The following STRN4 variants were observed in gnomAD, a reference collection of about 807,000 sequenced individuals.
STRN4 encodes striatin-4.
STRN4 carries 27 observed loss-of-function variants against 77.9 expected under a neutral mutation model. The observed-to-expected ratio is 0.35, with a 90% CI of 0.26 to 0.48. STRN4 has a LOEUF of 0.48. Ranked by LOEUF, STRN4 falls within the 20% of genes least tolerant of loss-of-function variation. The pLI is 0.99. For synonymous variants in STRN4, 466 were observed against 443.1 expected (o/e 1.05, Z -0.65); for missense variants, 798 against 1,049.7 (o/e 0.76, Z 3.31).
intron 8 of STRN4, 103 bp from the exon 9 acceptor site, chr19:46,727,649 G>A (rs746030628): frequency 3.1e-6 from 3 of 971,732 alleles, no homozygotes; most frequent in South Asian, 1.4e-5. Flanking sequence ...GAGATAAAGA[G>A]CAAGAGAGAG....
chr19:46,724,348 T>G (rs1288855248), intron 12 of STRN4, among the ~76,000 whole-genome samples: 3 of 148,008 alleles, frequency 2.0e-5, no homozygotes, highest in Non-Finnish European at 4.4e-5. Flanking sequence ...TCTTAGATGC[T>G]CCAAAGAGAA....
At chr19:46,744,360 T>C (rs774649487) in intron 1 of STRN4, among the ~76,000 whole-genome samples, 1 of 152,172 alleles carries the variant, frequency 6.6e-6, no homozygotes, top group Non-Finnish European at 1.5e-5. Flanking sequence ...GGAGAGTTAC[T>C]GGAGGGTCTT....
At position 46,723,234 on chromosome 19, in the gene STRN4, C is replaced by A; in HGVS notation, c.1645G>T (p.Gly549Cys). Residue 549 changes from glycine to cysteine, a missense_variant, in exon 13 of 18, where the codon GGC becomes TGC. Transcript: ENST00000263280. This position sits in a 1 kb window ranked among gnomAD's most constrained non-coding sequence, Gnocchi z 5.5. ...VLEGHGDAVW[G>C]LAFSPTSQRL... ...TGGGAGGTGGGACTGAAGGCCAGGC[C>A]CCACACGGCGTCCCCGTGGCCCTCC... 6.4e-7 allele frequency: 1 copy of A among 1,551,890 alleles called. No individual in the cohort carries two copies. The highest frequency in any genetic ancestry group is 8.7e-7 in the Non-Finnish European group (1 of 1,148,494).
At chr19:46,736,637 G>A (rs916926074) in intron 4 of STRN4, among the ~76,000 whole-genome samples, 186 bp downstream of exon 4, 1 of 151,462 alleles carries the variant, frequency 6.6e-6, no homozygotes, top group Non-Finnish European at 1.5e-5. Flanking sequence ...TCCTGCAGCG[G>A]GTTTCCCTCC....
chr19:46,727,649 G>C (rs746030628), intron 8 of STRN4, 103 bp from the exon 9 acceptor site: 4 of 971,850 alleles, frequency 4.1e-6, no homozygotes, highest in Non-Finnish European at 6.4e-6. Context: ...GAGATAAAGA[G>C]CAAGAGAGAG....
At position 46,723,970 on chromosome 19, in the gene STRN4, G is replaced by A. The variant is rs1483250676; in HGVS notation, c.1595-686C>T. On this transcript the variant is annotated intron_variant, in intron 12 of 17. Transcript: ENST00000263280. This position sits in a 1 kb window ranked among gnomAD's most constrained non-coding sequence, Gnocchi z 5.5. ...GGTGCATGATCAAGGAGGCAGAGCC[G>A]GGCGCAGTGGCTCATGCCTGCAATC... Among the ~76,000 whole-genome samples the A allele has an allele frequency of 2.0e-5, 3 of 152,178 alleles. No individual in the cohort carries two copies. Among genetic ancestry groups the A allele is most frequent in the South Asian group, 2.1e-4 (1 of 4,824 alleles).
intron 15 of STRN4, 76 bp from the exon 16 acceptor site, chr19:46,722,148 G>A: frequency 6.2e-7 from 1 of 1,601,878 alleles, no homozygotes; most frequent in East Asian, 2.2e-5. Context: ...GACTGGACGA[G>A]AGACTCCCAG....
At chr19:46,725,054 G>GGACAAGCT in intron 11 of STRN4, 126 bp from the exon 12 acceptor site, 1 of 1,427,014 alleles carries the variant, frequency 7.0e-7, no homozygotes, top group African/African-American at 1.4e-5. Flanking sequence ...CTGGGGCTCT[G>GGACAAGCT]GCCATGCTAC....
At position 46,723,449 on chromosome 19, in the gene STRN4, C is replaced by A. The variant is rs978310761; in HGVS notation, c.1595-165G>T. Among the ~76,000 whole-genome samples the A allele has an allele frequency of 6.6e-6, 1 of 152,176 alleles. No individual in the cohort carries two copies. Among genetic ancestry groups the A allele is most frequent in the Admixed American group, 6.5e-5 (1 of 15,276 alleles). The stretch of plus-strand genomic sequence containing the variant: ...GGAACTGTCCACTGCCAGGACAGCC[C>A]GGCAGCTGCTCACACTGCCCACTAG... On this transcript the variant is annotated intron_variant, in intron 12 of 17. Transcript: ENST00000263280. This position sits in a 1 kb window ranked among gnomAD's most constrained non-coding sequence, Gnocchi z 5.5.
intron 17 of STRN4, 77 bp from the exon 18 acceptor site, chr19:46,720,415 T>C (rs2053949346): frequency 1.5e-6 from 1 of 688,836 alleles, no homozygotes; most frequent in Non-Finnish European, 2.1e-6. Flanking sequence ...CTCCCCTGCA[T>C]GCCCAGGGCT....
chr19:46,727,709 G>C (rs1000671208), intron 8 of STRN4, 163 bp from the exon 9 acceptor site: 7 of 755,364 alleles, frequency 9.3e-6, no homozygotes, highest in Admixed American at 5.0e-5. Flanking sequence ...GAGACAGAGA[G>C]ACAGACAGGG....
chr19:46,733,565 A>G lies in STRN4; in HGVS notation c.540-329T>C, dbSNP rs1255613978. 6.8e-6 allele frequency: 2 copies of G among 293,466 alleles called. No individual in the cohort carries two copies. Among genetic ancestry groups the G allele is most frequent in the East Asian group, 7.1e-5 (1 of 14,022 alleles). 18.2% of individuals were successfully genotyped at this position (293,466 alleles called of 1,614,324 possible). A position where few individuals can be genotyped will look rare whatever the true frequency, so the allele number is the denominator to read the frequency against. On this transcript the variant is annotated intron_variant, in intron 4 of 17. Transcript: ENST00000263280. The surrounding 1 kb of genome is among the most constrained non-coding windows in gnomAD (Gnocchi z 4.3). Reference sequence around the variant, plus strand: ...GCAAGGCAGAAGATCAACAGGGCAGAGCCTTAAGGGAAGCTGGCCACGGTA... The same window carrying G: ...GCAAGGCAGAAGATCAACAGGGCAGGGCCTTAAGGGAAGCTGGCCACGGTA...
chr19:46,737,866 C>T lies in STRN4; in HGVS notation c.460+298G>A, dbSNP rs191171442. 7.3e-4 allele frequency among the ~76,000 whole-genome samples: 111 copies of T among 152,296 alleles called. 1 individual carries two copies. Among genetic ancestry groups the T allele is most frequent in the Non-Finnish European group, 1.3e-3 (91 of 68,010 alleles). ...TTCCCCGGCTTTCCCGCACCGTCCC[C>T]AGCACTCTATAAATAGCCCTGGCGC... On this transcript the variant is annotated intron_variant, in intron 3 of 17. Transcript: ENST00000263280.
At chr19:46,724,646 G>C (rs1040978843) in intron 12 of STRN4, among the ~76,000 whole-genome samples, 161 bp downstream of exon 12, 1 of 152,248 alleles carries the variant, frequency 6.6e-6, no homozygotes, top group African/African-American at 2.4e-5. Context: ...CCTTGGCCAC[G>C]CGCTGCATCG....
At chr19:46,727,859 C>T (rs761302103) in intron 8 of STRN4, 35 bp downstream of exon 8, 45 of 1,543,214 alleles carry the variant, frequency 2.9e-5, no homozygotes, top group Non-Finnish European at 3.9e-5. Context: ...GCCATGGGCC[C>T]GCAGGACTGG....
Position 46,746,362 on chromosome 19 carries a change from G to T in STRN4, c.69C>A (p.Gly23=). The change falls in exon 1 of 18, where the codon GGC becomes GGA. Residue 23 remains glycine (G), a synonymous_variant. Transcript: ENST00000263280. ...AASSCRPLGS[G]AGPGPTGAAP... Reference sequence around the variant, plus strand: ...CCGCCCCAGTGGGGCCAGGGCCCGCGCCTGAGCCGAGCGGACGGCAGGAGG... The same window carrying T: ...CCGCCCCAGTGGGGCCAGGGCCCGCTCCTGAGCCGAGCGGACGGCAGGAGG... 1 of 1,168,332 alleles carries T rather than the reference G, an allele frequency of 8.6e-7. No homozygotes were observed. The highest frequency in any genetic ancestry group is 4.2e-5 in the South Asian group (1 of 24,030). 72.4% of individuals were successfully genotyped at this position (1,168,332 alleles called of 1,614,324 possible). A position where few individuals can be genotyped will look rare whatever the true frequency, so the allele number is the denominator to read the frequency against.
At chr19:46,746,002 G>T in intron 1 of STRN4, 147 bp downstream of exon 1, 3 of 1,038,130 alleles carry the variant, frequency 2.9e-6, no homozygotes, top group Non-Finnish European at 3.8e-6. Flanking sequence ...CCCCTCACTC[G>T]CCCTCCGGGA....
At chr19:46,744,004 C>A (rs1420357485) in intron 1 of STRN4, among the ~76,000 whole-genome samples, 1 of 152,146 alleles carries the variant, frequency 6.6e-6, no homozygotes, top group African/African-American at 2.4e-5. Context: ...AGATAAATCA[C>A]CCTCTCAAAA....
chr19:46,727,084 C>T lies in STRN4; in HGVS notation c.1248+368G>A, dbSNP rs146946046. Reference sequence around the variant, plus strand: ...AAAGGCTCCCAGCTGGCCAAAGGCTCCCAGATGGCCAGAGGCCCGTCCACT... The same window carrying T: ...AAAGGCTCCCAGCTGGCCAAAGGCTTCCAGATGGCCAGAGGCCCGTCCACT... On this transcript the variant is annotated intron_variant, in intron 9 of 17. Transcript: ENST00000263280. 7.0e-3 allele frequency among the ~76,000 whole-genome samples: 1,062 copies of T among 152,306 alleles called. 5 individuals are homozygous for T. The highest frequency in any genetic ancestry group is 0.01 in the Non-Finnish European group (707 of 68,026).
Sources: allele counts gnomAD v4.1 joint callset (sites outside exome capture counted in the v4.1 genomes callset), GRCh38; gene constraint gnomAD v4.1.1; non-coding constraint Gnocchi (gnomAD v3.1); transcripts MANE v1.5; gene names NCBI Gene and HGNC (gene_info 2026-07-23, HGNC 2026-07-21).